THSD7A: variants seen among roughly 807,000 people sequenced by gnomAD.
The protein encoded by THSD7A is thrombospondin type 1 domain containing 7A.
In THSD7A, 96 loss-of-function variants were observed where a neutral mutation model predicts 231.3. That is an observed-to-expected ratio of 0.41 (90% CI 0.35 to 0.49). The LOEUF (loss-of-function observed/expected upper bound fraction) is 0.49. THSD7A is among the 20% of genes least tolerant of loss of function. The pLI is 0.05. For synonymous variants in THSD7A, 940 were observed against 743.3 expected (o/e 1.26, Z -4.30); for missense variants, 2,290 against 2,070.2 (o/e 1.11, Z -2.06).
chr7:11,511,038 C>T (rs190983641), intron 6 of THSD7A, among the ~76,000 whole-genome samples: 52 of 152,228 alleles, frequency 3.4e-4, no homozygotes, highest in East Asian at 2.5e-3. Flanking sequence ...AAAACCCCAT[C>T]GTCTCAGCCC....
intron 6 of THSD7A, among the ~76,000 whole-genome samples, chr7:11,532,513 A>G (rs990598124): frequency 2.0e-5 from 3 of 152,284 alleles, no homozygotes; most frequent in South Asian, 2.1e-4. Flanking sequence ...ATCATTTGCC[A>G]TAATTCTCCC....
intron 1 of THSD7A, among the ~76,000 whole-genome samples, chr7:11,768,409 A>G (rs1214477770): frequency 1.3e-5 from 2 of 152,218 alleles, no homozygotes; most frequent in African/African-American, 4.8e-5. Context: ...ATTGGCATGC[A>G]ATCTTTGTGG....
intron 1 of THSD7A, among the ~76,000 whole-genome samples, chr7:11,654,012 A>G (rs1460367250): frequency 6.6e-6 from 1 of 151,964 alleles, no homozygotes; most frequent in African/African-American, 2.4e-5. Flanking sequence ...ATCACTGAAC[A>G]TTGAGGAGAA....
At chr7:11,793,597 A>C (rs1353859632) in intron 1 of THSD7A, among the ~76,000 whole-genome samples, 1 of 151,816 alleles carries the variant, frequency 6.6e-6, no homozygotes, top group Non-Finnish European at 1.5e-5. Context: ...AAATGAAGAA[A>C]CATATGGCAA....
chr7:11,424,867 TG>T, intron 15 of THSD7A, 38 bp from the exon 16 acceptor site: 2 of 1,612,288 alleles, frequency 1.2e-6, no homozygotes. Context: ...TCAGGGAATC[TG>T]GTAAGAGTGA....
intron 1 of THSD7A, among the ~76,000 whole-genome samples, chr7:11,741,764 T>C (rs1304888534): frequency 6.6e-6 from 1 of 151,954 alleles, no homozygotes; most frequent in African/African-American, 2.4e-5. Flanking sequence ...AAGAATATAG[T>C]TAATAAATTC....
At chr7:11,824,941 C>T (rs764981973) in intron 1 of THSD7A, among the ~76,000 whole-genome samples, 6 of 152,108 alleles carry the variant, frequency 3.9e-5, no homozygotes, top group Admixed American at 6.5e-5. Flanking sequence ...GTTCTATTTA[C>T]ATAATTAACC....
chr7:11,824,934 C>T (rs1041703478), intron 1 of THSD7A, among the ~76,000 whole-genome samples: 3 of 152,054 alleles, frequency 2.0e-5, no homozygotes, highest in Non-Finnish European at 4.4e-5. Flanking sequence ...ATAAAAAGTT[C>T]TATTTACATA....
At chr7:11,462,810 T>C (rs528685968) in intron 9 of THSD7A, among the ~76,000 whole-genome samples, 1 of 152,222 alleles carries the variant, frequency 6.6e-6, no homozygotes, top group East Asian at 1.9e-4. Context: ...AACTCTAAAG[T>C]ATGTTAAAAA....
At chr7:11,523,880 AT>A (rs547599727) in intron 6 of THSD7A, among the ~76,000 whole-genome samples, 1 of 152,022 alleles carries the variant, frequency 6.6e-6, no homozygotes, top group Admixed American at 6.6e-5. Context: ...ATTGTACACA[AT>A]TTTTTTAAAT....
chr7:11,439,632 G>T (rs111931174), intron 13 of THSD7A, among the ~76,000 whole-genome samples: 1 of 151,900 alleles, frequency 6.6e-6, no homozygotes, highest in East Asian at 1.9e-4. Flanking sequence ...AAGTTTTAGC[G>T]GTCTAGAAAG....
intron 6 of THSD7A, among the ~76,000 whole-genome samples, chr7:11,532,868 C>A (rs1469598059): frequency 6.6e-6 from 1 of 152,116 alleles, no homozygotes; most frequent in African/African-American, 2.4e-5. Context: ...TATTTCTCAT[C>A]CTTACTTCTC....
chr7:11,375,550 C>T lies in THSD7A; in HGVS notation c.*244G>A, dbSNP rs941978017. 9 of 334,622 alleles carry T rather than the reference C, an allele frequency of 2.7e-5. No homozygotes were observed. Among genetic ancestry groups the T allele is most frequent in the African/African-American group, 1.9e-4 (9 of 47,014 alleles). The allele number at this position is 334,622 out of a possible 1,614,324, so 20.7% of individuals were successfully genotyped here. On this transcript the variant is annotated 3_prime_UTR_variant, in exon 28 of 28. Coordinates refer to ENST00000423059, the MANE Select transcript of THSD7A (RefSeq NM_015204.3). ...AGATTTCAGAAAAGATGACATAAAA[C>T]TTTCAGAATGCAGCATGTATTCAGC... is the stretch of plus-strand genomic sequence containing the variant.
At position 11,590,630 on chromosome 7, in the gene THSD7A, C is replaced by G; in HGVS notation, c.1283G>C (p.Arg428Thr). 6.2e-7 allele frequency: 1 copy of G among 1,606,824 alleles called. No individual in the cohort carries two copies. The highest frequency in any genetic ancestry group is 8.5e-7 in the Non-Finnish European group (1 of 1,177,104). The change falls in exon 4 of 28, where the codon AGA becomes ACA. Residue 428 changes from arginine to threonine, a missense_variant. Coordinates refer to ENST00000423059, the MANE Select transcript of THSD7A (RefSeq NM_015204.3). The surrounding 1 kb of genome is among the most constrained non-coding windows in gnomAD (Gnocchi z 4.4). ...GVVPCATYGW[R>T]TTEWTECRVD... ...ACGGCACTCAGTCCACTCTGTAGTT[C>G]TCCAGCCATACCTAAATAAAGACAA...
At chr7:11,422,456 C>T (rs1784177361) in intron 16 of THSD7A, among the ~76,000 whole-genome samples, 1 of 152,114 alleles carries the variant, frequency 6.6e-6, no homozygotes, top group South Asian at 2.1e-4. Flanking sequence ...ACAGAAACAT[C>T]ATTACATGAT....
chr7:11,565,738 T>C (rs1056032664), intron 4 of THSD7A, among the ~76,000 whole-genome samples: 1 of 152,196 alleles, frequency 6.6e-6, no homozygotes, highest in African/African-American at 2.4e-5. Flanking sequence ...ATGATAAGTC[T>C]ATTTTCTCAC....
At chr7:11,544,654 C>A (rs1361386880) in intron 4 of THSD7A, among the ~76,000 whole-genome samples, 1 of 152,186 alleles carries the variant, frequency 6.6e-6, no homozygotes, top group Non-Finnish European at 1.5e-5. Flanking sequence ...TATAAGTTTT[C>A]ACACACACGA....
chr7:11,811,600 A>G (rs1206486177), intron 1 of THSD7A, among the ~76,000 whole-genome samples: 1 of 152,216 alleles, frequency 6.6e-6, no homozygotes, highest in African/African-American at 2.4e-5. Flanking sequence ...TTTAAAGTAC[A>G]CGAGACAGAA....
In THSD7A at chr7:11,665,643, C is replaced by T. The variant is rs533139658; in HGVS notation, c.191-28682G>A. 1.1e-4 allele frequency among the ~76,000 whole-genome samples: 16 copies of T among 152,146 alleles called. No individual in the cohort carries two copies. The South Asian group carries it at 2.3e-3, about 22-fold the overall frequency. On this transcript the variant is annotated intron_variant, in intron 1 of 27. Transcript: ENST00000423059. ...TTACACATAAAATACCCTTTACTAG[C>T]GTGAGCTCTCTAAAACTGTGAGGCA...
Sources: gnomAD v4.1 joint callset for allele counts (sites outside exome capture counted in the v4.1 genomes callset) on GRCh38, gnomAD v4.1.1 for gene constraint, Gnocchi (gnomAD v3.1) non-coding constraint, MANE v1.5 for transcripts, NCBI Gene and HGNC (gene_info 2026-07-23, HGNC 2026-07-21) for gene names.